ESYT3: variants seen among roughly 807,000 people sequenced by gnomAD.
ESYT3 encodes the protein extended synaptotagmin 3.
A neutral mutation model predicts 111.5 loss-of-function variants in ESYT3; 101 were observed. That is an observed-to-expected ratio of 0.91 (90% confidence interval 0.77 to 1.07). The LOEUF is 1.07. Among genes scored for constraint, ESYT3 ranks in the 50% least tolerant of loss-of-function variants. The pLI, the probability that ESYT3 is intolerant of heterozygous loss-of-function variation, is 0.00. For missense variants in ESYT3, 1,097 were observed against 1,109.4 expected, an observed-to-expected ratio of 0.99 and a Z score of 0.16; for synonymous variants, 416 against 446.8, an observed-to-expected ratio of 0.93 and a Z score of 0.87.
chr3:138,434,638 G>A lies in ESYT3; in HGVS notation c.-161G>A, dbSNP rs192600695. On this transcript the variant is annotated 5_prime_UTR_variant, in exon 1 of 23. Transcript: ENST00000389567. ...GGTGCATTTCCAGGCGCTGCTCTCC[G>A]TCGCAGAGAACCCTGAGCTCGGCGC... 3.1e-4 allele frequency: 201 copies of A among 644,854 alleles called. No homozygotes were observed. The East Asian group carries it at 5.7e-3, about 18-fold the overall frequency. 39.9% of individuals were successfully genotyped at this position (644,854 alleles called of 1,614,324 possible). A position where few individuals can be genotyped will look rare whatever the true frequency, so the allele number is the denominator to read the frequency against.
At chr3:138,467,792 C>A (rs1393710000) in intron 11 of ESYT3, among the ~76,000 whole-genome samples, 183 bp downstream of exon 11, 1 of 152,130 alleles carries the variant, frequency 6.6e-6, no homozygotes, top group African/African-American at 2.4e-5. Flanking sequence ...AGGGCCCCAG[C>A]TGGAAGAAGT....
At position 138,435,258 on chromosome 3, in the gene ESYT3, C is replaced by A; in HGVS notation, c.327+133C>A. 1.1e-6 allele frequency: 1 copy of A among 877,026 alleles called. No individual in the cohort carries two copies. Among genetic ancestry groups the A allele is most frequent in the Non-Finnish European group, 1.7e-6 (1 of 591,568 alleles). The allele number at this position is 877,026 out of a possible 1,614,324, so 54.3% of individuals were successfully genotyped here. On this transcript the variant is annotated intron_variant, in intron 1 of 22. Coordinates refer to ENST00000389567, the MANE Select transcript of ESYT3 (RefSeq NM_031913.5). This position sits in a 1 kb window ranked among gnomAD's most constrained non-coding sequence, Gnocchi z 4.8. ...GCCCGGCGACCTGCACACCCCGTTC[C>A]CCACCGCTCCCGGGGCGCAGACCCT...
chr3:138,453,341 CAG>C (rs1188800274), intron 2 of ESYT3, among the ~76,000 whole-genome samples: 6 of 152,140 alleles, frequency 3.9e-5, no homozygotes, highest in Admixed American at 2.0e-4. Flanking sequence ...GATGGGGAGA[CAG>C]AGACAGTTGT....
chr3:138,465,080 T>C (rs1249205685), intron 9 of ESYT3, among the ~76,000 whole-genome samples: 2 of 152,192 alleles, frequency 1.3e-5, no homozygotes, highest in African/African-American at 2.4e-5. Flanking sequence ...GAACAGGTGC[T>C]CAGGACACCG....
intron 21 of ESYT3, 25 bp from the exon 22 acceptor site, chr3:138,476,418 G>T (rs376684812): frequency 1.2e-6 from 2 of 1,612,206 alleles, no homozygotes; most frequent in African/African-American, 2.7e-5. Context: ...TTTTGGAGGG[G>T]AACTAATTAT....
chr3:138,465,490 C>T, intron 10 of ESYT3, 69 bp downstream of exon 10: 1 of 1,269,180 alleles, frequency 7.9e-7, no homozygotes. Flanking sequence ...GGGCTAGATA[C>T]CCTGCTCCTA....
chr3:138,447,001 C>T (rs1560215012), intron 1 of ESYT3, among the ~76,000 whole-genome samples: 1 of 152,184 alleles, frequency 6.6e-6, no homozygotes, highest in Non-Finnish European at 1.5e-5. Context: ...CACCACTGCA[C>T]TCCAGCCTGG....
intron 1 of ESYT3, among the ~76,000 whole-genome samples, chr3:138,450,038 G>A (rs1339085879): frequency 6.6e-6 from 1 of 152,114 alleles, no homozygotes; most frequent in Non-Finnish European, 1.5e-5. Flanking sequence ...CCCCAACTTG[G>A]GACACCCAGA....
At position 138,479,340 on chromosome 3, in the gene ESYT3, T is replaced by TAACA. The variant is rs1318285742; in HGVS notation, c.*2488_*2491dup. On this transcript the variant is annotated 3_prime_UTR_variant, in exon 23 of 23. Coordinates refer to ENST00000389567, the MANE Select transcript of ESYT3 (RefSeq NM_031913.5). ...CATAGTAGAACTAAAATGTTAGTAC[T>TAACA]AACAACTAAGAAGGGGCAGCTAGGC... 6 of 152,222 alleles carry TAACA rather than the reference T, an allele frequency of 3.9e-5. No homozygotes were observed. Among genetic ancestry groups the TAACA allele is most frequent in the African/African-American group, 1.4e-4 (6 of 41,458 alleles). The allele number at this position is 152,222 out of a possible 1,614,324, so 9.4% of individuals were successfully genotyped here. A position where few individuals can be genotyped will look rare whatever the true frequency, so the allele number is the denominator to read the frequency against.
chr3:138,470,657 T>C (rs2033170648), intron 16 of ESYT3: 1 of 1,363,340 alleles, frequency 7.3e-7, no homozygotes, highest in East Asian at 2.8e-5. Flanking sequence ...GACTAGCTCA[T>C]ACAGATCATA....
chr3:138,460,809 G>A (rs925380492), intron 7 of ESYT3, 143 bp downstream of exon 7: 10 of 929,982 alleles, frequency 1.1e-5, no homozygotes, highest in Non-Finnish European at 1.7e-5. Flanking sequence ...TGTTTGGAGT[G>A]GGAGGCTAAG....
intron 18 of ESYT3, chr3:138,473,077 A>T (rs1365151650): frequency 5.3e-5 from 75 of 1,411,970 alleles, no homozygotes; most frequent in Non-Finnish European, 6.8e-5. Flanking sequence ...TATAAAATAG[A>T]TGCTGGACTC....
chr3:138,441,529 G>T (rs1299551701), intron 1 of ESYT3, among the ~76,000 whole-genome samples: 1 of 152,180 alleles, frequency 6.6e-6, no homozygotes, highest in Non-Finnish European at 1.5e-5. Flanking sequence ...TTGGGGAGGG[G>T]GCTCTGGGAG....
intron 1 of ESYT3, among the ~76,000 whole-genome samples, chr3:138,451,439 TG>T (rs1386195809): frequency 6.6e-6 from 1 of 152,230 alleles, no homozygotes; most frequent in African/African-American, 2.4e-5. Flanking sequence ...TTTTTCTTTT[TG>T]TTTAGGTGAT....
chr3:138,455,847 T>G (rs1461815038), intron 3 of ESYT3, among the ~76,000 whole-genome samples: 1 of 152,234 alleles, frequency 6.6e-6, no homozygotes, highest in African/African-American at 2.4e-5. Flanking sequence ...GAAGTTTGTG[T>G]CAGCACACCT....
At chr3:138,439,907 G>A (rs1259516420) in intron 1 of ESYT3, among the ~76,000 whole-genome samples, 1 of 152,214 alleles carries the variant, frequency 6.6e-6, no homozygotes, top group African/African-American at 2.4e-5. Flanking sequence ...TTTGTGAGGG[G>A]CAGTTAACTC....
chr3:138,473,538 G>T lies in ESYT3; in HGVS notation c.2240G>T (p.Gly747Val). Residue 747 changes from glycine to valine, a missense_variant and splice_region_variant, in exon 19 of 23, where the codon GGT becomes GTT. By Grantham distance (109) the Gly-to-Val change is moderately radical (BLOSUM62 -3). Coordinates refer to ENST00000389567, the MANE Select transcript of ESYT3 (RefSeq NM_031913.5). ...DLADISLNIE[G>V]GDLRRRQLGE... ...AGTGATGGGCTCTTTCTTTACAGAG[G>T]TGGGGACCTCAGGCGACGGCAGCTG... The T allele has an allele frequency of 6.2e-7, 1 of 1,613,250 alleles. No homozygotes were observed. The highest frequency in any genetic ancestry group is 8.5e-7 in the Non-Finnish European group (1 of 1,179,348).
intron 1 of ESYT3, among the ~76,000 whole-genome samples, chr3:138,439,585 G>T (rs939080303): frequency 6.6e-6 from 1 of 152,192 alleles, no homozygotes; most frequent in Non-Finnish European, 1.5e-5. Context: ...TTTGTGCACA[G>T]ATCAGCCCTT....
chr3:138,468,291 T>G (rs541384026), intron 12 of ESYT3, 97 bp downstream of exon 12: 1 of 1,135,806 alleles, frequency 8.8e-7, no homozygotes, highest in African/African-American at 1.5e-5. Context: ...TGATGCCCCC[T>G]TCTTGCTCAC....
Sources: gnomAD v4.1 joint callset for allele counts (sites outside exome capture counted in the v4.1 genomes callset) on GRCh38, gnomAD v4.1.1 for gene constraint, Gnocchi (gnomAD v3.1) non-coding constraint, MANE v1.5 for transcripts, NCBI Gene and HGNC (gene_info 2026-07-23, HGNC 2026-07-21) for gene names.